The following ADNP2 variants were observed in gnomAD, a reference collection of about 807,000 sequenced individuals.
ADNP2 encodes activity-dependent neuroprotector homeobox protein 2.
In ADNP2, 8 loss-of-function variants were observed where a neutral mutation model predicts 16.4. The ratio of observed to expected loss-of-function variants is 0.49; its 90% confidence interval spans 0.29 to 0.88. ADNP2 has a LOEUF of 0.88. Ranked by LOEUF, ADNP2 falls within the 40% of genes least tolerant of loss-of-function variation. The pLI is 0.09. For synonymous variants in ADNP2, 637 were observed against 545.8 expected (o/e 1.17, Z -2.33); for missense variants, 1,397 against 1,395.1 (o/e 1.00, Z -0.02).
rs144195664 is a variant in ADNP2 at position 80,137,055 on chromosome 18, C to T, written c.1642C>T (p.Pro548Ser). 23 of 1,613,940 alleles carry T rather than the reference C, an allele frequency of 1.4e-5. No individual in the cohort carries two copies. Among genetic ancestry groups the T allele is most frequent in the South Asian group, 2.2e-5 (2 of 91,082 alleles). The change falls in exon 4 of 4, where the codon CCT (proline) becomes TCT (serine). Residue 548 changes from proline to serine, a missense_variant. Around this residue, in one of 3 missense-constraint regions of ADNP2, gnomAD observed 777 missense variants for 719.4 expected, o/e 1.08. Transcript: ENST00000262198. The surrounding 1 kb of genome is among the most constrained non-coding windows in gnomAD (Gnocchi z 4.2). ...TTCTGGTGTTCTGCAGCTTAGTCAG[C>T]CTGTTGTGTCGGGAGTTCTTCCTGT... Reference protein sequence around the residue: ...VNSGVLQLSQPVVSGVLPVGQ... With the variant: ...VNSGVLQLSQSVVSGVLPVGQ...
At chr18:80,117,253 A>G (rs1364811290) in intron 1 of ADNP2, among the ~76,000 whole-genome samples, 1 of 152,130 alleles carries the variant, frequency 6.6e-6, no homozygotes, top group African/African-American at 2.4e-5. Context: ...TCCTTGCCGA[A>G]TCTAAGGTCA....
chr18:80,120,656 T>C (rs1439674207), intron 2 of ADNP2, among the ~76,000 whole-genome samples: 2 of 151,976 alleles, frequency 1.3e-5, no homozygotes, highest in African/African-American at 4.8e-5. Context: ...TATTTTCTTT[T>C]ATTCATTTAT....
At chr18:80,133,504 T>C (rs2052511835) in intron 3 of ADNP2, among the ~76,000 whole-genome samples, 1 of 152,246 alleles carries the variant, frequency 6.6e-6, no homozygotes, top group Non-Finnish European at 1.5e-5. Context: ...AAAATGCCAC[T>C]ACATTAAGTG....
chr18:80,129,359 T>G (rs1323793181), intron 2 of ADNP2, among the ~76,000 whole-genome samples: 1 of 152,152 alleles, frequency 6.6e-6, no homozygotes, highest in Non-Finnish European at 1.5e-5. Flanking sequence ...CACCTCAGCC[T>G]CCCAAAGTGC....
intron 3 of ADNP2, among the ~76,000 whole-genome samples, chr18:80,134,507 CT>C (rs1373259305): frequency 6.6e-6 from 1 of 151,886 alleles, no homozygotes; most frequent in East Asian, 1.9e-4. Flanking sequence ...AGCTCTGGGG[CT>C]TTAGATGAAG....
chr18:80,123,652 A>T (rs548310364), intron 2 of ADNP2, among the ~76,000 whole-genome samples: 1 of 152,102 alleles, frequency 6.6e-6, no homozygotes, highest in East Asian at 1.9e-4. Context: ...TACAGGCCTG[A>T]GCCACTGTGC....
intron 1 of ADNP2, among the ~76,000 whole-genome samples, chr18:80,116,627 T>C (rs568850807): frequency 6.6e-6 from 1 of 152,224 alleles, no homozygotes; most frequent in African/African-American, 2.4e-5. Flanking sequence ...TGGCTAATGA[T>C]GTTGAGCATT....
chr18:80,117,381 A>T (rs912182774), intron 1 of ADNP2, 149 bp from the exon 2 acceptor site: 1 of 461,176 alleles, frequency 2.2e-6, no homozygotes, highest in Admixed American at 4.3e-5. Flanking sequence ...GGTCAACCTC[A>T]TTCATTTGCA....
chr18:80,135,361 G>C (rs1048107234), intron 3 of ADNP2, among the ~76,000 whole-genome samples: 2 of 152,166 alleles, frequency 1.3e-5, no homozygotes. Context: ...AAATTATTTT[G>C]GGGACTTTTG....
At chr18:80,121,136 CACTT>C (rs2052422237) in intron 2 of ADNP2, among the ~76,000 whole-genome samples, 1 of 152,188 alleles carries the variant, frequency 6.6e-6, no homozygotes. Flanking sequence ...TCATTACCAA[CACTT>C]ACTTTTTTCT....
rs1568414824 is a variant in ADNP2 at position 80,135,701 on chromosome 18, T to A, written c.288T>A (p.His96Gln). 1 of 1,614,220 alleles carries A rather than the reference T, an allele frequency of 6.2e-7. No homozygotes were observed. Among genetic ancestry groups the A allele is most frequent in the Admixed American group, 1.7e-5 (1 of 60,032 alleles). ...TSFKNHLHRY[H>Q]EDEIDQELVI... Reference sequence around the variant, plus strand: ...TCAAGAATCATTTACATCGTTACCATGAAGATGAAATTGACCAAGAGCTGG... The same window carrying A: ...TCAAGAATCATTTACATCGTTACCAAGAAGATGAAATTGACCAAGAGCTGG... Residue 96 changes from histidine to glutamine, a missense_variant, in exon 4 of 4, where the codon CAT (histidine) becomes CAA (glutamine). By Grantham distance (24) the His-to-Gln change is conservative. Around this residue, in one of 3 missense-constraint regions of ADNP2, gnomAD observed 777 missense variants for 719.4 expected, o/e 1.08. Transcript: ENST00000262198.
chr18:80,129,381 G>A (rs1200802870), intron 2 of ADNP2, among the ~76,000 whole-genome samples: 1 of 152,118 alleles, frequency 6.6e-6, no homozygotes, highest in Non-Finnish European at 1.5e-5. Context: ...GGGATTACAA[G>A]TGTGAGCCAC....
intron 1 of ADNP2, among the ~76,000 whole-genome samples, chr18:80,112,875 C>G (rs1240481810): frequency 6.6e-6 from 1 of 152,194 alleles, no homozygotes. Flanking sequence ...TTCCCTGTTT[C>G]AGATACATAT....
chr18:80,112,415 A>T (rs1055300009), intron 1 of ADNP2, among the ~76,000 whole-genome samples: 1 of 151,768 alleles, frequency 6.6e-6, no homozygotes, highest in Non-Finnish European at 1.5e-5. Flanking sequence ...TCCCTAAAGC[A>T]GTTAGGAAAC....
chr18:80,112,846 T>C (rs1004638917), intron 1 of ADNP2, among the ~76,000 whole-genome samples: 1 of 152,242 alleles, frequency 6.6e-6, no homozygotes, highest in African/African-American at 2.4e-5. Flanking sequence ...GAGATTTTCT[T>C]GGAAGCAGTA....
At position 80,135,866 on chromosome 18, in the gene ADNP2, T is replaced by C; in HGVS notation, c.453T>C (p.Asp151=). ...GTGAAACTAAATCATCTAGGAGCGA[T>C]GTGATAAGTTTCACATGTCTAAAAT... ...ILGETKSSRS[D]VISFTCLKCN... The change falls in exon 4 of 4, where the codon GAT becomes GAC. Residue 151 remains aspartate (D), a synonymous_variant. Coordinates refer to ENST00000262198, the MANE Select transcript of ADNP2 (RefSeq NM_014913.4). The C allele has an allele frequency of 1.2e-6, 2 of 1,614,236 alleles. No homozygotes were observed. The highest frequency in any genetic ancestry group is 2.2e-5 in the South Asian group (2 of 91,086).
chr18:80,123,506 G>C (rs1234031668), intron 2 of ADNP2, among the ~76,000 whole-genome samples: 1 of 151,956 alleles, frequency 6.6e-6, no homozygotes, highest in Non-Finnish European at 1.5e-5. Context: ...GAGTAGCTGA[G>C]ATTCAGGCAT....
In ADNP2 at chr18:80,135,735, T is replaced by C; in HGVS notation, c.322T>C (p.Cys108Arg). The change falls in exon 4 of 4, where the codon TGC (cysteine) becomes CGC (arginine). Residue 108 changes from cysteine to arginine, a missense_variant. By Grantham distance (180) the Cys-to-Arg change is radical. This residue lies in a region of ADNP2 where 777 missense variants were observed against 719.4 expected (regional missense o/e 1.08). Transcript: ENST00000262198. Reference sequence around the variant, plus strand: ...AATTGACCAAGAGCTGGTGATCCCTTGCCCAAACTGTGTATTTGCATCTCA... The same window carrying C: ...AATTGACCAAGAGCTGGTGATCCCTCGCCCAAACTGTGTATTTGCATCTCA... ...DEIDQELVIP[C>R]PNCVFASQPK... The C allele has an allele frequency of 6.2e-7, 1 of 1,614,220 alleles. No individual in the cohort carries two copies. Among genetic ancestry groups the C allele is most frequent in the Non-Finnish European group, 8.5e-7 (1 of 1,180,044 alleles).
chr18:80,116,677 C>G (rs1171008990), intron 1 of ADNP2, among the ~76,000 whole-genome samples: 1 of 152,118 alleles, frequency 6.6e-6, no homozygotes, highest in African/African-American at 2.4e-5. Flanking sequence ...CACTCTGTTG[C>G]TCAGGCTGGA....
Sources: allele counts gnomAD v4.1 joint callset (sites outside exome capture counted in the v4.1 genomes callset), GRCh38; gene constraint gnomAD v4.1.1; regional missense constraint gnomAD v4.1.1; non-coding constraint Gnocchi (gnomAD v3.1); transcripts MANE v1.5; gene names NCBI Gene and HGNC (gene_info 2026-07-23, HGNC 2026-07-21).